CFAP300: variants seen among roughly 807,000 people sequenced by gnomAD.
CFAP300 encodes cilia and flagella associated protein 300.
CFAP300 carries 32 observed loss-of-function variants against 33.0 expected under a neutral mutation model. The observed-to-expected ratio is 0.97, with a 90% CI of 0.73 to 1.30. The LOEUF is 1.30. Ranked by LOEUF, CFAP300 falls within the 50% of genes most tolerant of loss-of-function variation. The probability of loss-of-function intolerance (pLI) is 0.00; values close to 1 mark genes in which losing one functional copy is unlikely to be tolerated. For missense variants in CFAP300, 356 were observed against 318.1 expected, an observed-to-expected ratio of 1.12 and a Z score of -0.90; for synonymous variants, 102 against 106.8, an observed-to-expected ratio of 0.95 and a Z score of 0.28.
At position 102,076,386 on chromosome 11, in the gene CFAP300, A is replaced by G. The variant is rs541305130; in HGVS notation, c.608+341A>G. ...AAGGGAACACAAGAGATCCCTCCAG[A>G]TGTTTGAGTTTGCTTAACTAATAGT... is the stretch of plus-strand genomic sequence containing the variant. On this transcript the variant is annotated intron_variant, in intron 5 of 6. Coordinates refer to ENST00000434758, the MANE Select transcript of CFAP300 (RefSeq NM_032930.3). Among the ~76,000 whole-genome samples the G allele has an allele frequency of 3.9e-5, 6 of 152,310 alleles. No individual in the cohort carries two copies. The South Asian group carries it at 1.2e-3, about 32-fold the overall frequency.
At chr11:102,066,681 G>T in intron 4 of CFAP300, 30 bp downstream of exon 4, 1 of 1,555,798 alleles carries the variant, frequency 6.4e-7, no homozygotes, top group South Asian at 1.3e-5. Flanking sequence ...ATTTCGCAGT[G>T]GAATTTTATT....
intron 3 of CFAP300, 64 bp downstream of exon 3, chr11:102,059,019 A>G: frequency 1.1e-6 from 1 of 925,218 alleles, no homozygotes; most frequent in Non-Finnish European, 1.6e-6. Flanking sequence ...TGCCTCAGGA[A>G]TTTTCATTAT....
In CFAP300 at chr11:102,048,853, A is replaced by G. The variant is rs76322848; in HGVS notation, c.192+957A>G. ...CAAATGGAAAATACTGTTACAGTTT[A>G]TGAAGTTATCTTCATTCTCTGCCAT... On this transcript the variant is annotated intron_variant, in intron 2 of 6. Coordinates refer to ENST00000434758, the MANE Select transcript of CFAP300 (RefSeq NM_032930.3). 2.6e-4 allele frequency among the ~76,000 whole-genome samples: 39 copies of G among 151,844 alleles called. 1 individual carries two copies. The East Asian group carries it at 7.6e-3, about 30-fold the overall frequency.
chr11:102,059,877 C>T (rs1051120269), intron 3 of CFAP300, among the ~76,000 whole-genome samples: 1 of 151,550 alleles, frequency 6.6e-6, no homozygotes, highest in Non-Finnish European at 1.5e-5. Context: ...GTGGTGCCTC[C>T]TGGGTTCAAG....
chr11:102,047,646 G>A (rs1475933424), intron 1 of CFAP300, 66 bp downstream of exon 1: 9 of 1,487,318 alleles, frequency 6.1e-6, no homozygotes, highest in African/African-American at 5.6e-5. Flanking sequence ...GCGCAGGCCG[G>A]GCGTCGAGGG....
intron 3 of CFAP300, among the ~76,000 whole-genome samples, chr11:102,064,297 T>TGTCC (rs1942192404): frequency 6.6e-6 from 1 of 152,228 alleles, no homozygotes; most frequent in Non-Finnish European, 1.5e-5. Context: ...CCTCCTCCTG[T>TGTCC]GTCCACTGAC....
chr11:102,063,971 T>C (rs185344634), intron 3 of CFAP300, among the ~76,000 whole-genome samples: 1 of 152,288 alleles, frequency 6.6e-6, no homozygotes, highest in East Asian at 1.9e-4. Flanking sequence ...TGAAGTCCCA[T>C]GACCATCCCT....
At position 102,075,858 on chromosome 11, in the gene CFAP300, A is replaced by G; in HGVS notation, c.436-15A>G. On this transcript the variant is annotated splice_polypyrimidine_tract_variant and intron_variant, in intron 4 of 6. Coordinates refer to ENST00000434758, the MANE Select transcript of CFAP300 (RefSeq NM_032930.3). ...CTTGAGTTATGTTACATTAAGATGA[A>G]TTTTATCGTCTTAGGTTTTGCTAGT... 1 of 1,565,940 alleles carries G rather than the reference A, an allele frequency of 6.4e-7. No individual in the cohort carries two copies. Among genetic ancestry groups the G allele is most frequent in the Non-Finnish European group, 8.7e-7 (1 of 1,149,240 alleles).
intron 4 of CFAP300, among the ~76,000 whole-genome samples, chr11:102,071,602 T>C (rs1942313457): frequency 6.6e-6 from 1 of 152,194 alleles, no homozygotes; most frequent in Admixed American, 6.5e-5. Flanking sequence ...AATTTTGCTT[T>C]CAGGTATAGG....
intron 2 of CFAP300, among the ~76,000 whole-genome samples, chr11:102,056,965 A>C (rs1942068911): frequency 6.6e-6 from 1 of 151,866 alleles, no homozygotes; most frequent in Admixed American, 6.6e-5. Flanking sequence ...TCCTTTGCTG[A>C]CATGTGCCAC....
intron 2 of CFAP300, among the ~76,000 whole-genome samples, chr11:102,055,128 G>A (rs61916042): frequency 0.033 from 4,908 of 150,920 alleles, 117 homozygotes; most frequent in Admixed American, 0.058. Context: ...TTACAGGCAC[G>A]TGCCACCACG....
At chr11:102,064,273 G>C (rs1942191837) in intron 3 of CFAP300, among the ~76,000 whole-genome samples, 1 of 152,140 alleles carries the variant, frequency 6.6e-6, no homozygotes, top group African/African-American at 2.4e-5. Context: ...AAAATGGCAT[G>C]CCCGATGTCA....
intron 2 of CFAP300, among the ~76,000 whole-genome samples, chr11:102,053,501 A>G (rs1263683079): frequency 6.6e-6 from 1 of 152,130 alleles, no homozygotes; most frequent in Non-Finnish European, 1.5e-5. Flanking sequence ...CGGTGAGGCA[A>G]GATCATACCA....
chr11:102,080,409 ATTTGTTTG>A (rs892450200), intron 5 of CFAP300, among the ~76,000 whole-genome samples: 1 of 151,428 alleles, frequency 6.6e-6, no homozygotes, highest in African/African-American at 2.4e-5. Context: ...GTTTTTTGGG[ATTTGTTTG>A]TTTGTTTGTT....
intron 2 of CFAP300, among the ~76,000 whole-genome samples, chr11:102,048,462 C>T (rs1329650621): frequency 6.6e-6 from 1 of 152,170 alleles, no homozygotes; most frequent in Non-Finnish European, 1.5e-5. Flanking sequence ...TCCCAAAGTG[C>T]TGGGGAGTAC....
Position 102,066,581 on chromosome 11 carries a change from A to G in CFAP300, c.365A>G (p.Asp122Gly), listed in dbSNP as rs748231254. Residue 122 changes from aspartate to glycine, a missense_variant, in exon 4 of 7, where the codon GAC becomes GGC. Coordinates refer to ENST00000434758, the MANE Select transcript of CFAP300 (RefSeq NM_032930.3). ...HRLYDEDIVR[D>G]SGHIVKCLDS... ...TTATATGATGAAGATATTGTACGAG[A>G]CAGTGGACATATTGTTAAATGTTTA... The G allele has an allele frequency of 6.2e-7, 1 of 1,611,562 alleles. No homozygotes were observed. The highest frequency in any genetic ancestry group is 8.5e-7 in the Non-Finnish European group (1 of 1,179,118).
chr11:102,050,637 A>G (rs764537510), intron 2 of CFAP300, among the ~76,000 whole-genome samples: 4 of 152,234 alleles, frequency 2.6e-5, no homozygotes, highest in East Asian at 1.9e-4. Flanking sequence ...TACCTGAGGC[A>G]TAAGGTACTT....
At chr11:102,060,724 T>G (rs1942138181) in intron 3 of CFAP300, among the ~76,000 whole-genome samples, 1 of 152,140 alleles carries the variant, frequency 6.6e-6, no homozygotes, top group African/African-American at 2.4e-5. Flanking sequence ...TAAATTAGAT[T>G]TTTTTTGTTT....
chr11:102,055,671 CT>C (rs1264720064), intron 2 of CFAP300, among the ~76,000 whole-genome samples: 1,923 of 112,556 alleles, frequency 0.017, 6 homozygotes, highest in Non-Finnish European at 0.026. Flanking sequence ...CTAAACTACC[CT>C]TTTTTTTTTT....
Sources: gnomAD v4.1 joint callset for allele counts (sites outside exome capture counted in the v4.1 genomes callset) on GRCh38, gnomAD v4.1.1 for gene constraint, MANE v1.5 for transcripts, NCBI Gene and HGNC (gene_info 2026-07-23, HGNC 2026-07-21) for gene names.